The following PDE4D variants were observed in gnomAD, a reference collection of about 807,000 sequenced individuals.
The protein encoded by PDE4D is 3',5'-cyclic-AMP phosphodiesterase 4D.
PDE4D carries 24 observed loss-of-function variants against 87.4 expected under a neutral mutation model. The ratio of observed to expected loss-of-function variants is 0.27; its 90% CI spans 0.20 to 0.39. The LOEUF is 0.39. Among genes scored for constraint, PDE4D ranks in the 10% least tolerant of loss-of-function variants. PDE4D has a pLI of 1.00. For synonymous variants in PDE4D, 384 were observed against 383.2 expected (o/e 1.00, Z -0.02); for missense variants, 714 against 1,041.0 (o/e 0.69, Z 4.32).
chr5:59,220,491 T>C (rs1164010248), intron 1 of PDE4D, among the ~76,000 whole-genome samples: 2 of 149,772 alleles, frequency 1.3e-5, no homozygotes, highest in Admixed American at 1.3e-4. Context: ...GTTCATTAAA[T>C]ACTTCAAATA....
At chr5:59,153,764 G>A (rs74989235) in intron 5 of PDE4D, among the ~76,000 whole-genome samples, 3 of 126,106 alleles carry the variant, frequency 2.4e-5, no homozygotes, top group African/African-American at 8.7e-5. Flanking sequence ...TTTTTTTTTT[G>A]TTGTTGTTGT....
chr5:60,109,930 G>A (rs1044866285), intron 2 of PDE4D, among the ~76,000 whole-genome samples: 1 of 151,816 alleles, frequency 6.6e-6, no homozygotes, highest in Non-Finnish European at 1.5e-5. Flanking sequence ...GTTAATGGGT[G>A]CAGCACACCA....
At chr5:60,426,662 C>G (rs1379216165) in intron 1 of PDE4D, among the ~76,000 whole-genome samples, 2 of 152,064 alleles carry the variant, frequency 1.3e-5, no homozygotes, top group African/African-American at 4.8e-5. Flanking sequence ...CGCATGTACC[C>G]TAGAACTTAA....
intron 1 of PDE4D, among the ~76,000 whole-genome samples, chr5:60,251,350 C>T (rs568920070): frequency 6.6e-6 from 1 of 152,010 alleles, no homozygotes; most frequent in South Asian, 2.1e-4. Flanking sequence ...CTGATCCTCT[C>T]CCCCTTCCCA....
chr5:59,029,304 C>T (rs917319656), intron 6 of PDE4D, among the ~76,000 whole-genome samples: 3 of 147,720 alleles, frequency 2.0e-5, no homozygotes, highest in African/African-American at 7.5e-5. Context: ...GTAGTCCCAG[C>T]TAATTGGGAG....
At chr5:60,399,097 T>C (rs374411027) in intron 1 of PDE4D, among the ~76,000 whole-genome samples, 24 of 152,322 alleles carry the variant, frequency 1.6e-4, no homozygotes, top group African/African-American at 4.8e-4. Flanking sequence ...TGCTTTTTAT[T>C]TCCTTTCATC....
chr5:59,173,019 G>A (rs181582337), intron 5 of PDE4D: 48 of 152,166 alleles, frequency 3.2e-4, no homozygotes, highest in Admixed American at 1.4e-3. Context: ...CCAAAACTTG[G>A]AGAATTTAAG....
chr5:60,390,993 T>TCA (rs367841405), intron 1 of PDE4D, among the ~76,000 whole-genome samples: 3 of 151,952 alleles, frequency 2.0e-5, no homozygotes, highest in South Asian at 2.1e-4. Flanking sequence ...ACATGCATAT[T>TCA]CACACACACA....
rs567779330 is a variant in PDE4D at position 59,059,643 on chromosome 5, T to C, written c.809-20672A>G. On this transcript the variant is annotated intron_variant, in intron 5 of 14. Transcript: ENST00000340635. ...TGCAATCTTTAACGCTGGAAATCTC[T>C]TGCTATATGCCATTAAAATTAATTA... Among the ~76,000 whole-genome samples, 214 of 152,304 alleles carry C rather than the reference T, an allele frequency of 1.4e-3. 2 individuals are homozygous for C. The highest frequency in any genetic ancestry group is 3.4e-3 in the Admixed American group (52 of 15,272).
At chr5:58,978,705 G>A (rs998904730) in intron 11 of PDE4D, among the ~76,000 whole-genome samples, 2 of 152,056 alleles carry the variant, frequency 1.3e-5, no homozygotes, top group East Asian at 1.9e-4. Flanking sequence ...GAGCAGAGCT[G>A]TTTAGACTAG....
At chr5:59,988,455 TA>T in intron 3 of PDE4D, 1 of 1,392,570 alleles carries the variant, frequency 7.2e-7, no homozygotes, top group Non-Finnish European at 9.9e-7. Context: ...ATCTAAAATA[TA>T]AAATGGGGAA....
chr5:59,059,511 G>T (rs1339333093), intron 5 of PDE4D, among the ~76,000 whole-genome samples: 1 of 152,178 alleles, frequency 6.6e-6, no homozygotes, highest in Non-Finnish European at 1.5e-5. Flanking sequence ...AAATTTAGAT[G>T]AGGATATGAG....
rs1051786576 is a variant in PDE4D at position 58,977,052 on chromosome 5, G to C, written c.1707+139C>G. 3.1e-5 allele frequency: 22 copies of C among 713,386 alleles called. 1 individual carries two copies. The South Asian group carries it at 4.5e-4, about 15-fold the overall frequency. The allele number at this position is 713,386 out of a possible 1,614,324, so 44.2% of individuals were successfully genotyped here. A position where few individuals can be genotyped will look rare whatever the true frequency, so the allele number is the denominator to read the frequency against. ...TACAGAACATCACAGCCAGCATCAC[G>C]GGCAGCTTCTATAACATAAAGGGCC... is the stretch of plus-strand genomic sequence containing the variant. On this transcript the variant is annotated intron_variant, in intron 12 of 14. Transcript: ENST00000340635.
At chr5:60,105,660 T>C (rs1220113845) in intron 2 of PDE4D, among the ~76,000 whole-genome samples, 1 of 151,982 alleles carries the variant, frequency 6.6e-6, no homozygotes, top group Non-Finnish European at 1.5e-5. Flanking sequence ...TAACAGCAGA[T>C]CTCTTGGCAG....
At chr5:59,072,758 T>C (rs1303684063) in intron 5 of PDE4D, among the ~76,000 whole-genome samples, 1 of 152,236 alleles carries the variant, frequency 6.6e-6, no homozygotes, top group Non-Finnish European at 1.5e-5. Flanking sequence ...TTGGCATTTA[T>C]AGATCTTCTT....
chr5:59,874,618 A>G (rs1427018100), intron 1 of PDE4D, among the ~76,000 whole-genome samples: 4 of 152,208 alleles, frequency 2.6e-5, no homozygotes, highest in African/African-American at 4.8e-5. Context: ...AAGTAATATT[A>G]TATGTAAAAA....
At chr5:60,360,246 C>T (rs1759949547) in intron 1 of PDE4D, among the ~76,000 whole-genome samples, 1 of 152,206 alleles carries the variant, frequency 6.6e-6, no homozygotes, top group African/African-American at 2.4e-5. Flanking sequence ...ACTCATATTA[C>T]ATTCTTTCTC....
At chr5:60,366,432 G>A (rs1489519136) in intron 1 of PDE4D, among the ~76,000 whole-genome samples, 1 of 152,024 alleles carries the variant, frequency 6.6e-6, no homozygotes, top group Admixed American at 6.5e-5. Flanking sequence ...AGGCACTTGG[G>A]GTGAAGTTCT....
At chr5:59,757,675 C>T (rs1761444427) in intron 1 of PDE4D, among the ~76,000 whole-genome samples, 1 of 152,152 alleles carries the variant, frequency 6.6e-6, no homozygotes, top group South Asian at 2.1e-4. Context: ...GCCATCATTC[C>T]CAGCTGGCTC....
Sources: gnomAD v4.1 joint callset for allele counts (sites outside exome capture counted in the v4.1 genomes callset) on GRCh38, gnomAD v4.1.1 for gene constraint, MANE v1.5 for transcripts, NCBI Gene and HGNC (gene_info 2026-07-23, HGNC 2026-07-21) for gene names.